SYNPR: variants seen among roughly 807,000 people sequenced by gnomAD.
SYNPR encodes synaptoporin.
A neutral mutation model predicts 32.9 loss-of-function variants in SYNPR; 23 were observed. The observed-to-expected ratio is 0.70, with a 90% CI of 0.50 to 0.99. The LOEUF is 0.99. SYNPR is among the 50% of genes least tolerant of loss of function. The pLI, the probability that SYNPR is intolerant of heterozygous loss-of-function variation, is 0.00. For synonymous variants in SYNPR, 146 were observed against 135.9 expected (o/e 1.07, Z -0.52); for missense variants, 318 against 349.3 (o/e 0.91, Z 0.71).
rs144842195 is a variant in SYNPR at position 63,524,490 on chromosome 3, T to A, written c.210-32053T>A. ...CATATCATCCTATATTTTAAACAAT[T>A]GGCCACACATTTGAAGCGTGGCATT... is the stretch of plus-strand genomic sequence containing the variant. On this transcript the variant is annotated intron_variant, in intron 3 of 5. Coordinates refer to ENST00000478300, the MANE Select transcript of SYNPR (RefSeq NM_001130003.2). Among the ~76,000 whole-genome samples the A allele has an allele frequency of 2.9e-3, 435 of 152,274 alleles. 2 individuals are homozygous for A. Among genetic ancestry groups the A allele is most frequent in the African/African-American group, 9.8e-3 (408 of 41,564 alleles).
intron 3 of SYNPR, among the ~76,000 whole-genome samples, chr3:63,505,298 A>T (rs1476553063): frequency 6.6e-6 from 1 of 152,208 alleles, no homozygotes. Context: ...ACCTCAACTT[A>T]ACACCTTACC....
At chr3:63,319,198 A>T (rs942849382) in intron 2 of SYNPR, among the ~76,000 whole-genome samples, 1 of 151,912 alleles carries the variant, frequency 6.6e-6, no homozygotes, top group African/African-American at 2.4e-5. Flanking sequence ...TCTCCAATGT[A>T]TGTTTTTGGT....
chr3:63,206,292 A>G, the SYNPR span, among the ~76,000 whole-genome samples: 5 of 152,206 alleles, frequency 3.3e-5, no homozygotes, highest in African/African-American at 1.2e-4. Flanking sequence ...TCCAGGGGAC[A>G]TTTGTGAACA....
At chr3:63,421,178 C>T (rs1156669536) in intron 2 of SYNPR, among the ~76,000 whole-genome samples, 4 of 152,218 alleles carry the variant, frequency 2.6e-5, no homozygotes, top group African/African-American at 7.2e-5. Context: ...CCACTATGCC[C>T]AGCTTCTAAT....
chr3:63,313,685 A>G (rs1242272347), intron 2 of SYNPR, among the ~76,000 whole-genome samples: 1 of 99,534 alleles, frequency 1.0e-5, no homozygotes, highest in Non-Finnish European at 1.9e-5. Context: ...ATACACATAT[A>G]TATCCATATA....
At chr3:63,260,817 A>G (rs1376603066) in intron 2 of SYNPR, among the ~76,000 whole-genome samples, 1 of 151,740 alleles carries the variant, frequency 6.6e-6, no homozygotes, top group Non-Finnish European at 1.5e-5. Context: ...TTTGCAATCT[A>G]CTCATCTGAC....
chr3:63,245,492 G>C (rs999359552), intron 1 of SYNPR, among the ~76,000 whole-genome samples: 4 of 151,888 alleles, frequency 2.6e-5, no homozygotes, highest in African/African-American at 9.7e-5. Context: ...ATTTTCAGTG[G>C]TGATACAGTT....
intron 2 of SYNPR, among the ~76,000 whole-genome samples, chr3:63,426,254 G>T (rs151133761): frequency 6.6e-6 from 1 of 152,136 alleles, no homozygotes; most frequent in Non-Finnish European, 1.5e-5. Context: ...CTTCTCAAAC[G>T]TTATTCTTTT....
chr3:63,419,733 C>A (rs2088583216), intron 2 of SYNPR, among the ~76,000 whole-genome samples: 1 of 152,156 alleles, frequency 6.6e-6, no homozygotes, highest in Admixed American at 6.5e-5. Flanking sequence ...CTATTGATAT[C>A]TTAAGCACAG....
intron 2 of SYNPR, among the ~76,000 whole-genome samples, chr3:63,333,413 AG>A: frequency 6.6e-6 from 1 of 151,954 alleles, no homozygotes; most frequent in Non-Finnish European, 1.5e-5. Flanking sequence ...AGATTTGAAC[AG>A]GGGGAATTTC....
At chr3:63,545,179 G>C (rs1411188162) in intron 3 of SYNPR, among the ~76,000 whole-genome samples, 2 of 152,086 alleles carry the variant, frequency 1.3e-5, no homozygotes, top group African/African-American at 2.4e-5. Flanking sequence ...ACTAGATGAG[G>C]TAAGTAATGG....
intron 3 of SYNPR, among the ~76,000 whole-genome samples, chr3:63,515,438 A>G (rs1034869408): frequency 1.4e-4 from 22 of 152,276 alleles, no homozygotes; most frequent in Admixed American, 3.3e-4. Flanking sequence ...CATAATTATT[A>G]TCTTGAAGCC....
chr3:63,586,664 G>GTGTGTA (rs1703189953), intron 4 of SYNPR, among the ~76,000 whole-genome samples: 1 of 150,292 alleles, frequency 6.7e-6, no homozygotes, highest in African/African-American at 2.4e-5. Flanking sequence ...ATGTGTGTGT[G>GTGTGTA]TGTGTGTGTG....
intron 2 of SYNPR, among the ~76,000 whole-genome samples, chr3:63,283,355 C>CA (rs71631145): frequency 0.64 from 96,980 of 151,952 alleles, 31,456 homozygotes; most frequent in South Asian, 0.72. Flanking sequence ...TAGCCAATTT[C>CA]AAGACTTGCA....
intron 2 of SYNPR, among the ~76,000 whole-genome samples, chr3:63,324,406 C>T (rs116720334): frequency 3.3e-3 from 497 of 152,114 alleles, no homozygotes; most frequent in Admixed American, 5.3e-3. Context: ...CTGTAGCCAA[C>T]GGGGAAACAC....
At chr3:63,319,458 T>C (rs1371027940) in intron 2 of SYNPR, among the ~76,000 whole-genome samples, 1 of 152,000 alleles carries the variant, frequency 6.6e-6, no homozygotes, top group African/African-American at 2.4e-5. Flanking sequence ...GTCATTAGGA[T>C]TTCTACATGC....
intron 1 of SYNPR, among the ~76,000 whole-genome samples, chr3:63,231,232 G>A (rs1189408773): frequency 6.6e-6 from 1 of 151,404 alleles, no homozygotes; most frequent in Non-Finnish European, 1.5e-5. Flanking sequence ...TATTCTAAGT[G>A]AAGTAACTCA....
intron 2 of SYNPR, among the ~76,000 whole-genome samples, chr3:63,477,377 A>G (rs1229098506): frequency 6.6e-6 from 1 of 152,024 alleles, no homozygotes; most frequent in African/African-American, 2.4e-5. Flanking sequence ...TCCTCACCAA[A>G]CCCATGTGAA....
chr3:63,285,951 C>T (rs957793561), intron 2 of SYNPR, among the ~76,000 whole-genome samples: 4 of 152,068 alleles, frequency 2.6e-5, no homozygotes, highest in African/African-American at 7.2e-5. Context: ...ACGATGCCAG[C>T]GGTTATGACG....
Sources: gnomAD v4.1 joint callset for allele counts (sites outside exome capture counted in the v4.1 genomes callset) on GRCh38, gnomAD v4.1.1 for gene constraint, MANE v1.5 for transcripts, NCBI Gene and HGNC (gene_info 2026-07-23, HGNC 2026-07-21) for gene names.